Variants in MFSD11 observed in about 807,000 individuals in gnomAD.
MFSD11 encodes the protein major facilitator superfamily domain containing 11.
MFSD11 carries 36 observed loss-of-function variants against 53.5 expected under a neutral mutation model. The observed-to-expected ratio is 0.67, with a 90% CI of 0.52 to 0.89. The LOEUF is 0.89. MFSD11 is among the 40% of genes least tolerant of loss of function. The probability of loss-of-function intolerance (pLI) is 0.00; values close to 1 mark genes in which losing one functional copy is unlikely to be tolerated. For synonymous variants in MFSD11, 186 were observed against 184.9 expected (o/e 1.01, Z -0.05); for missense variants, 530 against 543.9 (o/e 0.97, Z 0.25).
chr17:76,800,175 G>A, the MFSD11 span, among the ~76,000 whole-genome samples: 22 of 151,810 alleles, frequency 1.4e-4, no homozygotes, highest in East Asian at 3.3e-3. Flanking sequence ...GGCTGGTCTC[G>A]AACTCCTGGT....
In MFSD11 at chr17:76,775,817, TG is replaced by T. The variant is rs2081777873; in HGVS notation, c.1050-588del. On this transcript the variant is annotated intron_variant, in intron 11 of 12. Transcript: ENST00000685175. Reference sequence around the variant, plus strand: ...AGTGTAATGCAGATGTTCCAAAATCTGAAAAGAAAATTTGAAACACTTCTGG... The same window carrying T: ...AGTGTAATGCAGATGTTCCAAAATCTAAAAGAAAATTTGAAACACTTCTGG... Among the ~76,000 whole-genome samples the T allele has an allele frequency of 2.0e-5, 3 of 152,292 alleles. No individual in the cohort carries two copies. In the South Asian group the frequency reaches 6.2e-4, roughly 32 times the overall value.
In MFSD11 at chr17:76,749,889, C is replaced by CA. The variant is rs1187568956; in HGVS notation, c.642-4141dup. On this transcript the variant is annotated intron_variant, in intron 7 of 12. Transcript: ENST00000685175. ...TGGGCGATAGAGTGAGACTCCTTCT[C>CA]AAAAAAAAAAAAAAAAAGCAGAGAA... Among the ~76,000 whole-genome samples the CA allele has an allele frequency of 4.5e-3, 285 of 63,690 alleles. 1 individual carries two copies. Among genetic ancestry groups the CA allele is most frequent in the Middle Eastern group, 0.021 (2 of 94 alleles). The allele number at this position is 63,690 out of a possible 152,430, so 41.8% of individuals were successfully genotyped here. A position where few individuals can be genotyped will look rare whatever the true frequency, so the allele number is the denominator to read the frequency against.
chr17:76,785,196 G>C (rs1276714561), downstream of MFSD11, among the ~76,000 whole-genome samples: 1 of 152,184 alleles, frequency 6.6e-6, no homozygotes, highest in South Asian at 2.1e-4. Flanking sequence ...ATCGTGCTGA[G>C]TGAGATAAGC....
chr17:76,751,486 G>C (rs2079046083), intron 7 of MFSD11, among the ~76,000 whole-genome samples: 1 of 151,960 alleles, frequency 6.6e-6, no homozygotes, highest in Non-Finnish European at 1.5e-5. Flanking sequence ...TGAGCCCAGA[G>C]TTCCAGACCA....
chr17:76,741,749 C>T (rs2078102722), intron 3 of MFSD11, among the ~76,000 whole-genome samples: 1 of 152,114 alleles, frequency 6.6e-6, no homozygotes, highest in Admixed American at 6.5e-5. Context: ...GATGGTACCA[C>T]TGCACTCCAG....
intron 10 of MFSD11, among the ~76,000 whole-genome samples, chr17:76,774,393 TTCACTTTTGATA>T (rs1266872112): frequency 2.6e-5 from 4 of 152,198 alleles, no homozygotes; most frequent in Non-Finnish European, 5.9e-5. Flanking sequence ...CCAGCCATCC[TTCACTTTTGATA>T]TATAGGTTTG....
At chr17:76,769,661 A>C in intron 9 of MFSD11, 85 bp from the exon 10 acceptor site, 1 of 1,061,664 alleles carries the variant, frequency 9.4e-7, no homozygotes, top group Non-Finnish European at 1.4e-6. Flanking sequence ...CTACGCAAGT[A>C]TTCTTTCGTC....
chr17:76,756,247 T>C (rs2079617944), intron 8 of MFSD11, among the ~76,000 whole-genome samples: 1 of 151,436 alleles, frequency 6.6e-6, no homozygotes, highest in Admixed American at 6.6e-5. Flanking sequence ...CTCAGCCTAC[T>C]GAGTAACTGG....
chr17:76,755,799 TA>T, intron 8 of MFSD11, among the ~76,000 whole-genome samples: 1 of 25,440 alleles, frequency 3.9e-5, no homozygotes, highest in Non-Finnish European at 9.2e-5. Context: ...TACATATATA[TA>T]TATATATATA....
In MFSD11 at chr17:76,740,944, A is replaced by C; in HGVS notation, c.153-13A>C. 1 of 1,292,042 alleles carries C rather than the reference A, an allele frequency of 7.7e-7. No individual in the cohort carries two copies. Among genetic ancestry groups the C allele is most frequent in the Admixed American group, 2.2e-5 (1 of 46,002 alleles). The allele number at this position is 1,292,042 out of a possible 1,614,324, so 80.0% of individuals were successfully genotyped here. On this transcript the variant is annotated splice_polypyrimidine_tract_variant and intron_variant, in intron 2 of 12. Coordinates refer to ENST00000685175, the MANE Select transcript of MFSD11 (RefSeq NM_001242532.5). ...TTTTTTTTTTTTTTTCCGTTTGTGTATTATGTGTGCAGCATGGCTATTATC... is the reference window on the plus strand; with the variant it reads ...TTTTTTTTTTTTTTTCCGTTTGTGTCTTATGTGTGCAGCATGGCTATTATC...
chr17:76,767,716 G>C (rs2080988922), intron 9 of MFSD11, among the ~76,000 whole-genome samples: 1 of 152,158 alleles, frequency 6.6e-6, no homozygotes. Flanking sequence ...AGATCACCTT[G>C]TGATCTGGCA....
intron 6 of MFSD11, 105 bp downstream of exon 6, chr17:76,743,561 C>T (rs752245392): frequency 1.6e-5 from 10 of 622,928 alleles, no homozygotes; most frequent in Non-Finnish European, 2.6e-5. Context: ...TCATGAACCC[C>T]GACACCTCAA....
chr17:76,749,917 A>G (rs2078905584), intron 7 of MFSD11, among the ~76,000 whole-genome samples: 1 of 151,308 alleles, frequency 6.6e-6, no homozygotes, highest in African/African-American at 2.4e-5. Context: ...GCAGAGAAGC[A>G]ATAGAGAAAT....
In MFSD11 at chr17:76,747,012, G is replaced by A. The variant is rs192491352; in HGVS notation, c.641+2546G>A. Among the ~76,000 whole-genome samples, 121 of 147,456 alleles carry A rather than the reference G, an allele frequency of 8.2e-4. No homozygotes were observed. In the South Asian group the frequency reaches 0.013, roughly 16 times the overall value. ...CAACCTCTGCCTCCCGGGTTCAAGA[G>A]ATTCCTCCTGCCTCAGCCTCCTCAG... On this transcript the variant is annotated intron_variant, in intron 7 of 12. Coordinates refer to ENST00000685175, the MANE Select transcript of MFSD11 (RefSeq NM_001242532.5).
chr17:76,802,259 G>A, the MFSD11 span, among the ~76,000 whole-genome samples: 3 of 152,066 alleles, frequency 2.0e-5, no homozygotes, highest in South Asian at 2.1e-4. Context: ...TGACAGAGCA[G>A]AACTCTGTCT....
downstream of MFSD11, among the ~76,000 whole-genome samples, chr17:76,785,953 C>A (rs1771968197): frequency 6.6e-6 from 1 of 151,062 alleles, no homozygotes; most frequent in African/African-American, 2.4e-5. Context: ...GTGGTGGGCA[C>A]CTGTAATCCT....
chr17:76,801,060 AG>A, the MFSD11 span, among the ~76,000 whole-genome samples: 3 of 150,884 alleles, frequency 2.0e-5, no homozygotes, highest in African/African-American at 7.3e-5. Context: ...TGGGCAACAG[AG>A]GGAGACTCGG....
chr17:76,782,384 A>G (rs1568126937), downstream of MFSD11, among the ~76,000 whole-genome samples: 1 of 150,808 alleles, frequency 6.6e-6, no homozygotes, highest in Non-Finnish European at 1.5e-5. Flanking sequence ...CATGTTGGTC[A>G]GGCTGGTCTT....
intron 10 of MFSD11, among the ~76,000 whole-genome samples, chr17:76,773,509 C>T (rs1269807227): frequency 1.3e-5 from 2 of 151,946 alleles, no homozygotes; most frequent in Non-Finnish European, 2.9e-5. Context: ...GTGTATTTAC[C>T]CTCTTTATAT....
Sources: gnomAD v4.1 joint callset for allele counts (sites outside exome capture counted in the v4.1 genomes callset) on GRCh38, gnomAD v4.1.1 for gene constraint, MANE v1.5 for transcripts, NCBI Gene and HGNC (gene_info 2026-07-23, HGNC 2026-07-21) for gene names.